Variants in ATRN observed in about 807,000 individuals in gnomAD.
ATRN encodes attractin-2.
A neutral mutation model predicts 178.7 loss-of-function variants in ATRN; 54 were observed. That is an observed-to-expected ratio of 0.30 (90% CI 0.24 to 0.38). ATRN has a LOEUF of 0.38. Ranked by LOEUF, ATRN falls within the 10% of genes least tolerant of loss-of-function variation. ATRN has a pLI of 1.00. For synonymous variants in ATRN, 636 were observed against 663.0 expected, an observed-to-expected ratio of 0.96 and a Z score of 0.63; for missense variants, 1,443 against 1,815.1, an observed-to-expected ratio of 0.79 and a Z score of 3.73.
intron 1 of ATRN, among the ~76,000 whole-genome samples, chr20:3,476,213 A>G (rs1006029362): frequency 6.6e-6 from 1 of 152,360 alleles, no homozygotes; most frequent in Non-Finnish European, 1.5e-5. Context: ...ACTCCCTTTT[A>G]GTCCTTAGAG....
intron 15 of ATRN, among the ~76,000 whole-genome samples, chr20:3,581,595 AT>A (rs1425836545): frequency 3.3e-5 from 5 of 152,010 alleles, no homozygotes; most frequent in Non-Finnish European, 5.9e-5. Context: ...GAAATCCAAA[AT>A]GCTCTAGTGA....
chr20:3,568,676 A>G (rs557425020), intron 11 of ATRN, among the ~76,000 whole-genome samples: 1 of 152,318 alleles, frequency 6.6e-6, no homozygotes, highest in African/African-American at 2.4e-5. Flanking sequence ...GTCAGCATAC[A>G]TAACTTTCTT....
At chr20:3,578,080 G>A (rs1032318726) in intron 14 of ATRN, among the ~76,000 whole-genome samples, 7 of 152,158 alleles carry the variant, frequency 4.6e-5, no homozygotes, top group African/African-American at 1.7e-4. Flanking sequence ...TCTCAAGAAG[G>A]ACCTTCTCAC....
At chr20:3,548,631 A>G (rs976651228) in intron 5 of ATRN, among the ~76,000 whole-genome samples, 14 of 152,136 alleles carry the variant, frequency 9.2e-5, no homozygotes, top group Non-Finnish European at 1.5e-4. Flanking sequence ...GATAATACAA[A>G]TAAAAGATAC....
In ATRN at chr20:3,604,259, T is replaced by G. The variant is rs2086650216; in HGVS notation, c.3798T>G (p.Ile1266Met). 1 of 1,596,940 alleles carries G rather than the reference T, an allele frequency of 6.3e-7. No individual in the cohort carries two copies. The highest frequency in any genetic ancestry group is 2.2e-5 in the East Asian group (1 of 44,830). Residue 1266 changes from isoleucine (I) to methionine (M), a missense_variant, in exon 24 of 29, where the codon ATT becomes ATG. By Grantham distance (10) the Ile-to-Met change is conservative. Around this residue, in one of 4 missense-constraint regions of ATRN, gnomAD observed 289 missense variants for 440.8 expected, o/e 0.66. Coordinates refer to ENST00000262919, the MANE Select transcript of ATRN (RefSeq NM_139321.3). ...GTAATTTCACCTGGCCCATCAAAATTCAGGTAAGAAGAGGCTTTTGGTCTC... is the reference window on the plus strand; with the variant it reads ...GTAATTTCACCTGGCCCATCAAAATGCAGGTAAGAAGAGGCTTTTGGTCTC... ...YVSNFTWPIKIQIAFSQHSNF... is the reference protein window; with the variant it reads ...YVSNFTWPIKMQIAFSQHSNF...
intron 1 of ATRN, among the ~76,000 whole-genome samples, chr20:3,525,366 G>T (rs2085349557): frequency 6.6e-6 from 1 of 152,088 alleles, no homozygotes; most frequent in Non-Finnish European, 1.5e-5. Flanking sequence ...TTGAATCCCT[G>T]AACAGACTAA....
At chr20:3,512,349 C>A (rs1488758742) in intron 1 of ATRN, among the ~76,000 whole-genome samples, 1 of 148,672 alleles carries the variant, frequency 6.7e-6, no homozygotes, top group Non-Finnish European at 1.5e-5. Flanking sequence ...TGAGTGAGAA[C>A]ATGCTGTGTT....
chr20:3,604,082 C>T, intron 23 of ATRN, 23 bp from the exon 24 acceptor site: 1 of 1,557,664 alleles, frequency 6.4e-7, no homozygotes, highest in East Asian at 2.3e-5. Flanking sequence ...TGTCTCTTCT[C>T]TTTCATGTTT....
At chr20:3,493,689 G>A (rs1050080632) in intron 1 of ATRN, among the ~76,000 whole-genome samples, 9 of 152,188 alleles carry the variant, frequency 5.9e-5, no homozygotes, top group Middle Eastern at 3.4e-3. Flanking sequence ...GCATCCACAC[G>A]GCACCTATTC....
intron 24 of ATRN, among the ~76,000 whole-genome samples, chr20:3,620,536 A>G (rs1329764647): frequency 1.3e-5 from 2 of 152,152 alleles, no homozygotes; most frequent in African/African-American, 4.8e-5. Context: ...GAGCCACTGC[A>G]TCCAGCCTGA....
intron 1 of ATRN, among the ~76,000 whole-genome samples, chr20:3,529,536 G>A (rs1229842373): frequency 6.6e-6 from 1 of 152,310 alleles, no homozygotes; most frequent in African/African-American, 2.4e-5. Flanking sequence ...GAAAAGTTAT[G>A]TTGATAAAAA....
chr20:3,563,164 T>C (rs1423218629), intron 9 of ATRN, 45 bp from the exon 10 acceptor site: 1 of 1,548,800 alleles, frequency 6.5e-7, no homozygotes, highest in South Asian at 1.2e-5. Context: ...TAAATATTCT[T>C]TAAAAACTAA....
At chr20:3,605,722 G>A (rs968111491) in intron 24 of ATRN, among the ~76,000 whole-genome samples, 1 of 152,062 alleles carries the variant, frequency 6.6e-6, no homozygotes, top group Admixed American at 6.6e-5. Context: ...CACATGGTGG[G>A]GAACAACACA....
chr20:3,473,244 T>C (rs2084458371), intron 1 of ATRN, among the ~76,000 whole-genome samples: 1 of 151,948 alleles, frequency 6.6e-6, no homozygotes, highest in African/African-American at 2.4e-5. Flanking sequence ...TTTAAGGCTG[T>C]GGAGGTAAAG....
rs575236402 is a variant in ATRN at position 3,621,251 on chromosome 20, A to G, written c.3802-3260A>G. On this transcript the variant is annotated intron_variant, in intron 24 of 28. Transcript: ENST00000262919. ...GCCAGAAAGGACAGGGAGGACCCCC[A>G]TGCACACAGGCAGGGAGGCTCTCTG... 3.9e-5 allele frequency among the ~76,000 whole-genome samples: 6 copies of G among 152,160 alleles called. No individual in the cohort carries two copies. The East Asian group carries it at 1.2e-3, about 29-fold the overall frequency.
At chr20:3,569,042 T>A (rs1047835984) in intron 11 of ATRN, among the ~76,000 whole-genome samples, 3 of 152,216 alleles carry the variant, frequency 2.0e-5, no homozygotes, top group Non-Finnish European at 4.4e-5. Context: ...GTGTGTCAAC[T>A]CAAATTTTTT....
intron 4 of ATRN, among the ~76,000 whole-genome samples, 183 bp from the exon 5 acceptor site, chr20:3,547,101 G>A (rs966551295): frequency 6.6e-6 from 1 of 152,154 alleles, no homozygotes; most frequent in Admixed American, 6.5e-5. Context: ...TTCATTACTT[G>A]TACCTCGGGC....
chr20:3,599,476 G>A (rs1478164037), intron 22 of ATRN, among the ~76,000 whole-genome samples: 1 of 152,144 alleles, frequency 6.6e-6, no homozygotes, highest in Non-Finnish European at 1.5e-5. Context: ...CATATGTTCT[G>A]TCCTCTATAA....
chr20:3,646,981 A>C lies in ATRN; in HGVS notation c.*134A>C. 1 of 1,179,048 alleles carries C rather than the reference A, an allele frequency of 8.5e-7. No individual in the cohort carries two copies. Among genetic ancestry groups the C allele is most frequent in the Non-Finnish European group, 1.1e-6 (1 of 873,896 alleles). The allele number at this position is 1,179,048 out of a possible 1,614,324, so 73.0% of individuals were successfully genotyped here. A position where few individuals can be genotyped will look rare whatever the true frequency, so the allele number is the denominator to read the frequency against. Reference sequence around the variant, plus strand: ...TGGAAACCCTCAAAGCATCTGACTCACCTGCATGATCACAAGCTTTCTTTG... The same window carrying C: ...TGGAAACCCTCAAAGCATCTGACTCCCCTGCATGATCACAAGCTTTCTTTG... On this transcript the variant is annotated 3_prime_UTR_variant, in exon 29 of 29. Transcript: ENST00000262919.
Sources: allele counts gnomAD v4.1 joint callset (sites outside exome capture counted in the v4.1 genomes callset), GRCh38; gene constraint gnomAD v4.1.1; regional missense constraint gnomAD v4.1.1; transcripts MANE v1.5; gene names NCBI Gene and HGNC (gene_info 2026-07-23, HGNC 2026-07-21).